Variants in PTPRD observed in about 807,000 individuals in gnomAD.
PTPRD encodes the protein receptor-type tyrosine-protein phosphatase delta.
PTPRD carries 34 observed loss-of-function variants against 214.5 expected under a neutral mutation model. The ratio of observed to expected loss-of-function variants is 0.16; its 90% CI spans 0.12 to 0.21. PTPRD has a LOEUF of 0.21. PTPRD is among the 10% of genes least tolerant of loss of function. PTPRD has a pLI of 1.00. For missense variants in PTPRD, 2,545 were observed against 2,398.7 expected (o/e 1.06, Z -1.27); for synonymous variants, 1,128 against 845.7 (o/e 1.33, Z -5.79).
intron 2 of PTPRD, among the ~76,000 whole-genome samples, chr9:10,510,447 C>T (rs2047603162): frequency 1.3e-5 from 2 of 152,106 alleles, no homozygotes; most frequent in African/African-American, 4.8e-5. Context: ...CTAAAAGATC[C>T]AATGATGTGT....
intron 8 of PTPRD, among the ~76,000 whole-genome samples, chr9:9,407,662 C>G (rs1158731112): frequency 6.6e-6 from 1 of 151,758 alleles, no homozygotes; most frequent in Admixed American, 6.6e-5. Flanking sequence ...CCTCTGTAGT[C>G]TTCACGCTGC....
chr9:9,849,006 G>C (rs1215989803), intron 5 of PTPRD, among the ~76,000 whole-genome samples: 1 of 151,744 alleles, frequency 6.6e-6, no homozygotes, highest in Non-Finnish European at 1.5e-5. Flanking sequence ...AGCACGTCCA[G>C]TTACCCGAAA....
At chr9:9,953,786 C>G (rs1040787862) in intron 4 of PTPRD, among the ~76,000 whole-genome samples, 2 of 152,062 alleles carry the variant, frequency 1.3e-5, no homozygotes, top group African/African-American at 4.8e-5. Context: ...TTATGTCATG[C>G]TCATGCTACA....
At chr9:9,682,221 A>G (rs1421563335) in intron 7 of PTPRD, among the ~76,000 whole-genome samples, 3 of 151,868 alleles carry the variant, frequency 2.0e-5, no homozygotes, top group East Asian at 3.9e-4. Context: ...CAACACTGCA[A>G]AGAAGACAGG....
At chr9:10,590,162 T>C (rs1183152393) in intron 2 of PTPRD, among the ~76,000 whole-genome samples, 4 of 152,032 alleles carry the variant, frequency 2.6e-5, no homozygotes, top group African/African-American at 9.7e-5. Context: ...ATTCAAATTT[T>C]ATTGCCTTAA....
chr9:8,827,262 A>G (rs757186565), intron 11 of PTPRD, among the ~76,000 whole-genome samples: 4 of 152,140 alleles, frequency 2.6e-5, no homozygotes, highest in Non-Finnish European at 2.9e-5. Flanking sequence ...AGGGAAATCT[A>G]TGGTAAATAG....
chr9:8,811,369 G>A (rs1355181358), intron 11 of PTPRD, among the ~76,000 whole-genome samples: 2 of 152,074 alleles, frequency 1.3e-5, no homozygotes, highest in East Asian at 1.9e-4. Flanking sequence ...AGCACAACCT[G>A]TTTATGACCT....
intron 5 of PTPRD, among the ~76,000 whole-genome samples, chr9:9,897,927 C>T (rs1013038248): frequency 3.3e-5 from 5 of 151,512 alleles, no homozygotes; most frequent in Admixed American, 6.6e-5. Flanking sequence ...TCACCTTTGA[C>T]GGCAGTGTAA....
At chr9:8,723,010 T>C (rs1355103064) in intron 12 of PTPRD, among the ~76,000 whole-genome samples, 1 of 152,210 alleles carries the variant, frequency 6.6e-6, no homozygotes, top group Non-Finnish European at 1.5e-5. Flanking sequence ...ACACATTTTG[T>C]CCTAGTAGAG....
intron 11 of PTPRD, among the ~76,000 whole-genome samples, chr9:8,759,920 C>G (rs376716831): frequency 2.0e-5 from 3 of 152,202 alleles, no homozygotes; most frequent in Non-Finnish European, 4.4e-5. Context: ...CTCTAACTGA[C>G]AGGACCTATC....
intron 39 of PTPRD, among the ~76,000 whole-genome samples, chr9:8,352,430 TACCAGCTC>T (rs2075771867): frequency 1.3e-5 from 2 of 152,184 alleles, no homozygotes; most frequent in South Asian, 4.1e-4. Context: ...TTGTAAACCA[TACCAGCTC>T]ACTCCGTATT....
chr9:9,509,721 G>C (rs921010470), intron 8 of PTPRD, among the ~76,000 whole-genome samples: 1 of 151,484 alleles, frequency 6.6e-6, no homozygotes, highest in Non-Finnish European at 1.5e-5. Context: ...TTTCTGTGCA[G>C]TGAGTAGCAG....
intron 3 of PTPRD, among the ~76,000 whole-genome samples, chr9:10,248,269 G>A (rs192227439): frequency 6.6e-6 from 1 of 152,080 alleles, no homozygotes; most frequent in Admixed American, 6.6e-5. Context: ...TTTTTGGGGT[G>A]ATCCTAAGAA....
At chr9:8,332,684 G>C (rs905724115) in intron 43 of PTPRD, among the ~76,000 whole-genome samples, 14 of 152,078 alleles carry the variant, frequency 9.2e-5, no homozygotes, top group Non-Finnish European at 2.1e-4. Context: ...AATTTAAGGT[G>C]TTTCTAGAAG....
intron 39 of PTPRD, among the ~76,000 whole-genome samples, chr9:8,348,899 G>T (rs2074617525): frequency 6.6e-6 from 1 of 151,986 alleles, no homozygotes; most frequent in Non-Finnish European, 1.5e-5. Context: ...TTCAGCAACT[G>T]CCTTACTTTA....
At chr9:9,192,691 C>T in intron 9 of PTPRD, among the ~76,000 whole-genome samples, 1 of 151,900 alleles carries the variant, frequency 6.6e-6, no homozygotes, top group Non-Finnish European at 1.5e-5. Flanking sequence ...TCTTCAGAAC[C>T]AATAATGAAA....
chr9:9,624,542 C>G (rs2095357390), intron 7 of PTPRD, among the ~76,000 whole-genome samples: 1 of 152,040 alleles, frequency 6.6e-6, no homozygotes, highest in South Asian at 2.1e-4. Context: ...CCTGCCTTGG[C>G]CTCCCAAGGT....
At chr9:10,514,065 G>C (rs1400580388) in intron 2 of PTPRD, among the ~76,000 whole-genome samples, 1 of 152,058 alleles carries the variant, frequency 6.6e-6, no homozygotes, top group Non-Finnish European at 1.5e-5. Flanking sequence ...ATTCATATCA[G>C]CTAACAAATC....
At chr9:8,486,609 T>G in intron 27 of PTPRD, 1 of 626,484 alleles carries the variant, frequency 1.6e-6, no homozygotes, top group Non-Finnish European at 2.9e-6. Flanking sequence ...TAAGGGGATT[T>G]TTTTGACACC....
Sources: allele counts gnomAD v4.1 joint callset (sites outside exome capture counted in the v4.1 genomes callset), GRCh38; gene constraint gnomAD v4.1.1; transcripts MANE v1.5; gene names NCBI Gene and HGNC (gene_info 2026-07-23, HGNC 2026-07-21).